The following PCDHA3 variants were observed in gnomAD, a reference collection of about 807,000 sequenced individuals.
PCDHA3 encodes protocadherin alpha 3, also known as protocadherin alpha-3.
Under a neutral mutation model 62.2 loss-of-function variants are expected in PCDHA3, and 41 were observed. The ratio of observed to expected loss-of-function variants is 0.66; its 90% confidence interval spans 0.51 to 0.86. The LOEUF (loss-of-function observed/expected upper bound fraction) is 0.86. Among genes scored for constraint, PCDHA3 ranks in the 40% least tolerant of loss-of-function variants. The pLI is 0.00. For synonymous variants in PCDHA3, 640 were observed against 555.4 expected, an observed-to-expected ratio of 1.15 and a Z score of -2.14; for missense variants, 1,304 against 1,241.2, an observed-to-expected ratio of 1.05 and a Z score of -0.76.
rs140331962 is a variant in PCDHA3 at position 140,803,491 on chromosome 5, C to T, written c.2294C>T (p.Pro765Leu). ...QQRVCSGEGL[P>L]KTDLMAFSPS... ...AGGGTGTGCTCTGGAGAGGGGTTGCCCAAGACCGACCTCATGGCTTTTAGC... is the reference window on the plus strand; with the variant it reads ...AGGGTGTGCTCTGGAGAGGGGTTGCTCAAGACCGACCTCATGGCTTTTAGC... The change falls in exon 1 of 4, where the codon CCC becomes CTC. Residue 765 changes from proline to leucine, a missense_variant. Coordinates refer to ENST00000522353, the MANE Select transcript of PCDHA3 (RefSeq NM_018906.3). The T allele has an allele frequency of 1.9e-4, 301 of 1,614,110 alleles. No individual in the cohort carries two copies. Among genetic ancestry groups the T allele is most frequent in the Non-Finnish European group, 2.4e-4 (283 of 1,180,048 alleles).
At chr5:141,000,950 T>C (rs781867970) in intron 3 of PCDHA3, among the ~76,000 whole-genome samples, 2 of 152,214 alleles carry the variant, frequency 1.3e-5, no homozygotes, top group Non-Finnish European at 2.9e-5. Flanking sequence ...ATTATCTTGC[T>C]GTAATTTAAG....
Position 140,802,467 on chromosome 5 carries a change from G to C in PCDHA3, c.1270G>C (p.Val424Leu). The C allele has an allele frequency of 6.2e-7, 1 of 1,614,224 alleles. No homozygotes were observed. Among genetic ancestry groups the C allele is most frequent in the Non-Finnish European group, 8.5e-7 (1 of 1,180,036 alleles). The stretch of plus-strand genomic sequence containing the variant: ...CGAGAGCGTGTCGGCCTATGAGCTG[G>C]TGGTGACTGCTCGGGACGGGGGCTC... ...DRESVSAYELVVTARDGGSPS... is the reference protein window; with the variant it reads ...DRESVSAYELLVTARDGGSPS... Residue 424 changes from valine (V) to leucine (L), a missense_variant, in exon 1 of 4, where the codon GTG becomes CTG. By Grantham distance (32) the Val-to-Leu change is conservative. Transcript: ENST00000522353.
intron 1 of PCDHA3, chr5:140,853,930 A>G: frequency 1.1e-6 from 1 of 887,870 alleles, no homozygotes; most frequent in Non-Finnish European, 1.4e-6. Flanking sequence ...ACATTTTGGG[A>G]GGCCAAGGTG....
intron 1 of PCDHA3, among the ~76,000 whole-genome samples, chr5:140,953,811 A>T (rs782282216): frequency 3.3e-5 from 5 of 152,074 alleles, no homozygotes; most frequent in Non-Finnish European, 5.9e-5. Context: ...TCTGAGGTGC[A>T]TGTGCTAGTT....
intron 2 of PCDHA3, among the ~76,000 whole-genome samples, chr5:140,979,729 C>CA: frequency 6.6e-6 from 1 of 152,232 alleles, no homozygotes; most frequent in African/African-American, 2.4e-5. Flanking sequence ...GCCATGGGGC[C>CA]AAATAAAAGA....
chr5:140,856,572 A>C (rs782165615), intron 1 of PCDHA3: 1 of 1,597,762 alleles, frequency 6.3e-7, no homozygotes, highest in East Asian at 2.2e-5. Flanking sequence ...AGTCCAAATG[A>C]GTATTTTGTT....
chr5:140,961,222 T>C (rs1335870319), intron 1 of PCDHA3, among the ~76,000 whole-genome samples: 1 of 152,118 alleles, frequency 6.6e-6, no homozygotes, highest in East Asian at 1.9e-4. Flanking sequence ...AGAAACTGGG[T>C]CCCAAAAAGG....
At chr5:140,985,065 G>A (rs189493508) in intron 3 of PCDHA3, among the ~76,000 whole-genome samples, 45 of 152,190 alleles carry the variant, frequency 3.0e-4, no homozygotes, top group Admixed American at 5.2e-4. Context: ...AGCCTCCTGA[G>A]TAGCTGAGAC....
At position 140,979,027 on chromosome 5, in the gene PCDHA3, T is replaced by C. The variant is rs782016038; in HGVS notation, c.2453+20T>C. ...GCACAGGTATGTATTTCCCTCCTCA[T>C]TCACTCAGAAGTAACCTTAACTTGG... On this transcript the variant is annotated intron_variant, in intron 2 of 3. Coordinates refer to ENST00000522353, the MANE Select transcript of PCDHA3 (RefSeq NM_018906.3). The C allele has an allele frequency of 3.5e-5, 57 of 1,613,492 alleles. No homozygotes were observed. Among genetic ancestry groups the C allele is most frequent in the Non-Finnish European group, 4.4e-5 (52 of 1,179,754 alleles).
At chr5:140,870,219 CG>C in intron 1 of PCDHA3, 1 of 1,614,152 alleles carries the variant, frequency 6.2e-7, no homozygotes. Flanking sequence ...CCCTGATCAG[CG>C]TGTCTGACCG....
Position 140,969,193 on chromosome 5 carries a change from C to T in PCDHA3, c.2395-9756C>T, listed in dbSNP as rs1232655466. The T allele has an allele frequency of 8.1e-6, 13 of 1,614,002 alleles. No homozygotes were observed. In the African/African-American group the frequency reaches 1.2e-4, roughly 15 times the overall value. ...CAGGGAGTGACACTTTCATGTTTTA[C>T]AATACAGGGGCCCAGACAGGACCAG... is the stretch of plus-strand genomic sequence containing the variant. On this transcript the variant is annotated intron_variant, in intron 1 of 3. Transcript: ENST00000522353.
intron 1 of PCDHA3, chr5:140,835,766 G>C: frequency 6.2e-7 from 1 of 1,613,388 alleles, no homozygotes. Flanking sequence ...CCGAGTATAC[G>C]GTGTTCGTGA....
At chr5:140,935,382 T>G (rs1475831801) in intron 1 of PCDHA3, among the ~76,000 whole-genome samples, 1 of 152,218 alleles carries the variant, frequency 6.6e-6, no homozygotes, top group Non-Finnish European at 1.5e-5. Flanking sequence ...AATTACTCAT[T>G]TGTTATCCCA....
intron 1 of PCDHA3, chr5:140,842,373 C>T (rs1554138976): frequency 1.9e-6 from 3 of 1,608,288 alleles, no homozygotes; most frequent in Admixed American, 1.7e-5. Flanking sequence ...CCTGAGATAG[C>T]ACTGACTTCC....
At chr5:140,928,508 T>G in intron 1 of PCDHA3, 1 of 1,614,174 alleles carries the variant, frequency 6.2e-7, no homozygotes, top group Non-Finnish European at 8.5e-7. Flanking sequence ...AGTGCAACAG[T>G]GACTATAAAC....
chr5:140,995,334 T>C (rs2097677447), intron 3 of PCDHA3, among the ~76,000 whole-genome samples: 1 of 152,184 alleles, frequency 6.6e-6, no homozygotes, highest in Non-Finnish European at 1.5e-5. Context: ...GTGAGTAGTG[T>C]AGACGGCATG....
intron 1 of PCDHA3, chr5:140,969,215 C>T: frequency 6.2e-7 from 1 of 1,614,128 alleles, no homozygotes; most frequent in East Asian, 2.2e-5. Flanking sequence ...CCAGACAGGA[C>T]CAGGGCCTTC....
intron 1 of PCDHA3, chr5:140,823,306 G>A (rs2150124482): frequency 9.9e-6 from 16 of 1,612,180 alleles, no homozygotes; most frequent in Admixed American, 1.7e-5. Flanking sequence ...TTCGGTGCAC[G>A]CGGAGAGCGG....
At chr5:140,861,610 A>T (rs1268305779) in intron 1 of PCDHA3, 1 of 355,772 alleles carries the variant, frequency 2.8e-6, no homozygotes. Context: ...AACAATAAAG[A>T]CAACCTGCCA....
Sources: allele counts gnomAD v4.1 joint callset (sites outside exome capture counted in the v4.1 genomes callset), GRCh38; gene constraint gnomAD v4.1.1; transcripts MANE v1.5; gene names NCBI Gene and HGNC (gene_info 2026-07-23, HGNC 2026-07-21).